Variants in REV3L observed in about 807,000 individuals in gnomAD.
REV3L encodes the protein DNA polymerase zeta catalytic subunit.
A neutral mutation model predicts 299.4 loss-of-function variants in REV3L; 69 were observed. That is an observed-to-expected ratio of 0.23 (90% confidence interval 0.19 to 0.28). The LOEUF (loss-of-function observed/expected upper bound fraction) is 0.28. Ranked by LOEUF, REV3L falls within the 10% of genes least tolerant of loss-of-function variation. The pLI is 1.00. For missense variants in REV3L, 3,128 were observed against 3,693.8 expected, an observed-to-expected ratio of 0.85 and a Z score of 3.97; for synonymous variants, 1,238 against 1,271.4, an observed-to-expected ratio of 0.97 and a Z score of 0.56.
chr6:111,421,276 A>T (rs944754933), intron 1 of REV3L, among the ~76,000 whole-genome samples: 1 of 152,134 alleles, frequency 6.6e-6, no homozygotes, highest in Non-Finnish European at 1.5e-5. Flanking sequence ...TTTGTAGTAA[A>T]ATTACTTGGG....
intron 1 of REV3L, among the ~76,000 whole-genome samples, chr6:111,458,434 G>A (rs539669172): frequency 3.3e-5 from 5 of 152,226 alleles, no homozygotes; most frequent in African/African-American, 1.2e-4. Flanking sequence ...CCTAGCTAGA[G>A]TAATCAGGCA....
chr6:111,408,148 G>A (rs948454828), intron 3 of REV3L, among the ~76,000 whole-genome samples: 1 of 152,158 alleles, frequency 6.6e-6, no homozygotes, highest in African/African-American at 2.4e-5. Flanking sequence ...CAAAGAAGAT[G>A]AATCTTGAGC....
chr6:111,451,078 C>T (rs1030878038), intron 1 of REV3L, among the ~76,000 whole-genome samples: 5 of 152,058 alleles, frequency 3.3e-5, no homozygotes, highest in African/African-American at 1.2e-4. Flanking sequence ...AAGTGGATGC[C>T]ATGGGTCTGA....
At chr6:111,420,445 C>A (rs1785207139) in intron 1 of REV3L, among the ~76,000 whole-genome samples, 1 of 152,136 alleles carries the variant, frequency 6.6e-6, no homozygotes, top group South Asian at 2.1e-4. Context: ...TGCAGTACAA[C>A]TGATGTCCAG....
intron 21 of REV3L, among the ~76,000 whole-genome samples, chr6:111,339,024 T>C (rs1362743504): frequency 1.3e-5 from 2 of 152,124 alleles, no homozygotes; most frequent in African/African-American, 4.8e-5. Flanking sequence ...TGTGAAACAG[T>C]GGTTTCACTG....
chr6:111,454,036 CTTACT>C (rs1789870374), intron 1 of REV3L, among the ~76,000 whole-genome samples: 2 of 151,774 alleles, frequency 1.3e-5, no homozygotes, highest in Non-Finnish European at 1.5e-5. Context: ...TGTTTCCTCC[CTTACT>C]TTATAGATTC....
intron 10 of REV3L, 66 bp downstream of exon 10, chr6:111,381,259 C>A: frequency 1.3e-6 from 2 of 1,536,262 alleles, no homozygotes. Context: ...AAAAAAAATG[C>A]CTCTTCACAA....
intron 18 of REV3L, among the ~76,000 whole-genome samples, chr6:111,353,443 A>T (rs1301268882): frequency 6.6e-6 from 1 of 152,198 alleles, no homozygotes; most frequent in African/African-American, 2.4e-5. Flanking sequence ...CTGCAACAGC[A>T]CACTTTTAAA....
At chr6:111,478,028 T>A (rs1583147648) in intron 1 of REV3L, among the ~76,000 whole-genome samples, 1 of 152,298 alleles carries the variant, frequency 6.6e-6, no homozygotes, top group Non-Finnish European at 1.5e-5. Context: ...AAAAGAACAC[T>A]TCAAGGATTC....
intron 3 of REV3L, among the ~76,000 whole-genome samples, chr6:111,406,805 T>C (rs375402714): frequency 3.3e-5 from 5 of 152,088 alleles, no homozygotes; most frequent in African/African-American, 7.2e-5. Flanking sequence ...AATAATAATA[T>C]TGGAAATGAA....
chr6:111,386,698 T>C (rs1273366381), intron 9 of REV3L, among the ~76,000 whole-genome samples: 1 of 151,724 alleles, frequency 6.6e-6, no homozygotes, highest in East Asian at 1.9e-4. Flanking sequence ...ATTTATGCTT[T>C]ACTGCTTATA....
intron 21 of REV3L, among the ~76,000 whole-genome samples, chr6:111,340,650 C>T (rs1776386134): frequency 6.6e-6 from 1 of 151,878 alleles, no homozygotes; most frequent in Admixed American, 6.6e-5. Flanking sequence ...AAGGGGTTAC[C>T]ATACCTACCA....
intron 1 of REV3L, among the ~76,000 whole-genome samples, chr6:111,459,656 A>G (rs1464840473): frequency 6.6e-6 from 1 of 152,182 alleles, no homozygotes; most frequent in African/African-American, 2.4e-5. Flanking sequence ...TGGCCAAAAA[A>G]AAATTGAAAA....
chr6:111,303,506 A>T (rs187640443), intron 31 of REV3L, among the ~76,000 whole-genome samples: 1 of 151,450 alleles, frequency 6.6e-6, no homozygotes, highest in Admixed American at 6.6e-5. Flanking sequence ...AGCTGGGATT[A>T]TAGGTGCCTG....
intron 1 of REV3L, among the ~76,000 whole-genome samples, chr6:111,440,218 C>T (rs180787570): frequency 6.6e-5 from 10 of 152,128 alleles, no homozygotes; most frequent in African/African-American, 1.9e-4. Context: ...TACAGGCATG[C>T]GCCACCATGC....
chr6:111,434,977 G>A (rs546931105), intron 1 of REV3L, among the ~76,000 whole-genome samples: 2 of 152,302 alleles, frequency 1.3e-5, no homozygotes, highest in East Asian at 3.9e-4. Context: ...GGCCGAGACT[G>A]AAGGACTGCC....
chr6:111,431,566 T>C, intron 1 of REV3L: 1 of 782,838 alleles, frequency 1.3e-6, no homozygotes, highest in Admixed American at 1.9e-5. Context: ...GGGTCCCTCA[T>C]ACAGAGAAAT....
intron 26 of REV3L, among the ~76,000 whole-genome samples, chr6:111,319,401 C>T (rs570422200): frequency 4.0e-5 from 6 of 151,760 alleles, no homozygotes; most frequent in African/African-American, 1.2e-4. Flanking sequence ...GCAGAGCATG[C>T]AGTGAGCTGA....
intron 5 of REV3L, chr6:111,392,634 A>G (rs1396836205): frequency 2.3e-5 from 7 of 304,184 alleles, no homozygotes; most frequent in Non-Finnish European, 3.0e-5. Flanking sequence ...GCAGAAAAGT[A>G]TAACAATATC....
Sources: gnomAD v4.1 joint callset for allele counts (sites outside exome capture counted in the v4.1 genomes callset) on GRCh38, gnomAD v4.1.1 for gene constraint, MANE v1.5 for transcripts, NCBI Gene and HGNC (gene_info 2026-07-23, HGNC 2026-07-21) for gene names.